FAM135A: variants seen among roughly 807,000 people sequenced by gnomAD.
FAM135A encodes family with sequence similarity 135 member A.
In FAM135A, 79 loss-of-function variants were observed where a neutral mutation model predicts 146.8. The observed-to-expected ratio is 0.54, with a 90% CI of 0.45 to 0.65. The LOEUF (loss-of-function observed/expected upper bound fraction) is 0.65. Among genes scored for constraint, FAM135A ranks in the 30% least tolerant of loss-of-function variants. FAM135A has a pLI of 0.00. For missense variants in FAM135A, 1,623 were observed against 1,758.2 expected (o/e 0.92, Z 1.38); for synonymous variants, 562 against 603.6 (o/e 0.93, Z 1.01).
At chr6:70,492,950 C>T (rs907095218) in intron 11 of FAM135A, among the ~76,000 whole-genome samples, 5 of 151,886 alleles carry the variant, frequency 3.3e-5, no homozygotes, top group Non-Finnish European at 7.4e-5. Flanking sequence ...TTATATATTG[C>T]ACAATTATCA....
intron 4 of FAM135A, among the ~76,000 whole-genome samples, chr6:70,437,913 G>A (rs1270824216): frequency 6.6e-6 from 1 of 152,082 alleles, no homozygotes; most frequent in Non-Finnish European, 1.5e-5. Flanking sequence ...CGGAGGAATT[G>A]TGAAATTTCT....
chr6:70,413,645 G>C lies in FAM135A; in HGVS notation c.-277G>C. 1 of 260,476 alleles carries C rather than the reference G, an allele frequency of 3.8e-6. No homozygotes were observed. Among genetic ancestry groups the C allele is most frequent in the Non-Finnish European group, 6.0e-6 (1 of 166,542 alleles). The allele number at this position is 260,476 out of a possible 1,614,324, so 16.1% of individuals were successfully genotyped here. A position where few individuals can be genotyped will look rare whatever the true frequency, so the allele number is the denominator to read the frequency against. On this transcript the variant is annotated 5_prime_UTR_variant, in exon 1 of 22. Coordinates refer to ENST00000418814, the MANE Select transcript of FAM135A (RefSeq NM_001162529.3). ...ACCCGGGTCGGGCCGTCTTCTTGCA[G>C]CTGGACAACGAGCTCCTCCGTTCGA...
intron 5 of FAM135A, among the ~76,000 whole-genome samples, chr6:70,464,496 T>C (rs541237719): frequency 2.6e-5 from 4 of 152,192 alleles, no homozygotes; most frequent in Middle Eastern, 3.2e-3. Context: ...TAGCAAATAT[T>C]AGAAAACAAA....
At chr6:70,414,011 C>T (rs775058946) in intron 1 of FAM135A, 14 of 985,692 alleles carry the variant, frequency 1.4e-5, no homozygotes, top group Non-Finnish European at 1.7e-5. Context: ...TCGCGCCTAG[C>T]GTGTTTGCCC....
intron 4 of FAM135A, among the ~76,000 whole-genome samples, chr6:70,438,054 GAAAC>G (rs1021481884): frequency 1.3e-5 from 2 of 151,962 alleles, no homozygotes. Flanking sequence ...TGGAAAAAAA[GAAAC>G]AAACCAGCCA....
Position 70,526,705 on chromosome 6 carries a change from A to G in FAM135A, c.3614+7A>G. 6.3e-7 allele frequency: 1 copy of G among 1,580,658 alleles called. No homozygotes were observed. The highest frequency in any genetic ancestry group is 8.6e-7 in the Non-Finnish European group (1 of 1,166,330). On this transcript the variant is annotated splice_region_variant and intron_variant, in intron 15 of 21. Coordinates refer to ENST00000418814, the MANE Select transcript of FAM135A (RefSeq NM_001162529.3). ...CAAAACCTCAAATACAAGCGTAAGTAATGGAACGTAATAGTACCTGCTGCT... is the reference window on the plus strand; with the variant it reads ...CAAAACCTCAAATACAAGCGTAAGTGATGGAACGTAATAGTACCTGCTGCT...
chr6:70,560,452 C>T lies in FAM135A; in HGVS notation c.*531C>T, dbSNP rs1426178678. ...ATACAACTTTATCATACAATCAAACCAGGTAGTTCATATAAAACAGTGTAA... is the reference window on the plus strand; with the variant it reads ...ATACAACTTTATCATACAATCAAACTAGGTAGTTCATATAAAACAGTGTAA... On this transcript the variant is annotated 3_prime_UTR_variant, in exon 22 of 22. Coordinates refer to ENST00000418814, the MANE Select transcript of FAM135A (RefSeq NM_001162529.3). The T allele has an allele frequency of 1.3e-5, 2 of 152,794 alleles. No homozygotes were observed. The highest frequency in any genetic ancestry group is 2.9e-5 in the Non-Finnish European group (2 of 68,244). 9.5% of individuals were successfully genotyped at this position (152,794 alleles called of 1,614,324 possible).
chr6:70,447,450 C>A (rs1459024116), intron 4 of FAM135A, among the ~76,000 whole-genome samples: 2 of 152,188 alleles, frequency 1.3e-5, no homozygotes, highest in African/African-American at 4.8e-5. Context: ...ACAAGACCTG[C>A]CTAGAAGTAA....
chr6:70,487,077 C>CCAT (rs1197070178), intron 10 of FAM135A, among the ~76,000 whole-genome samples: 1 of 110,692 alleles, frequency 9.0e-6, no homozygotes, highest in African/African-American at 3.9e-5. Context: ...AGTCGGACTC[C>CCAT]CATCTCAAAA....
intron 5 of FAM135A, among the ~76,000 whole-genome samples, chr6:70,464,661 T>TC (rs1780052876): frequency 9.3e-6 from 1 of 107,676 alleles, no homozygotes; most frequent in African/African-American, 3.4e-5. Flanking sequence ...TTTCTTTCTT[T>TC]TTTTTCTTTT....
At chr6:70,434,361 G>A (rs754066153) in intron 4 of FAM135A, among the ~76,000 whole-genome samples, 19 of 152,288 alleles carry the variant, frequency 1.2e-4, no homozygotes, top group Non-Finnish European at 2.1e-4. Context: ...TTGCAAAATT[G>A]TTGAAGTATC....
intron 20 of FAM135A, among the ~76,000 whole-genome samples, chr6:70,543,281 A>T (rs1798260441): frequency 6.6e-6 from 1 of 152,296 alleles, no homozygotes; most frequent in Non-Finnish European, 1.5e-5. Flanking sequence ...TCTTATCCTC[A>T]TTCCTATCAC....
chr6:70,463,588 C>T (rs529774176), intron 5 of FAM135A, among the ~76,000 whole-genome samples: 2 of 152,042 alleles, frequency 1.3e-5, no homozygotes, highest in African/African-American at 4.8e-5. Context: ...CCTCTTTTAG[C>T]TTATGTTGTT....
At position 70,525,645 on chromosome 6, in the gene FAM135A, A is replaced by G. The variant is rs764051907; in HGVS notation, c.2561A>G (p.Asn854Ser). The change falls in exon 15 of 22, where the codon AAT becomes AGT. Residue 854 changes from asparagine to serine, a missense_variant. Transcript: ENST00000418814. ...PSDDELSPDENSKKSVVPECH... is the reference protein window; with the variant it reads ...PSDDELSPDESSKKSVVPECH... Reference sequence around the variant, plus strand: ...GATGATGAACTGTCACCTGATGAAAATTCTAAGAAATCTGTTGTACCTGAA... The same window carrying G: ...GATGATGAACTGTCACCTGATGAAAGTTCTAAGAAATCTGTTGTACCTGAA... 6.2e-7 allele frequency: 1 copy of G among 1,612,838 alleles called. No individual in the cohort carries two copies. Among genetic ancestry groups the G allele is most frequent in the Non-Finnish European group, 8.5e-7 (1 of 1,179,518 alleles).
intron 8 of FAM135A, 45 bp downstream of exon 8, chr6:70,477,377 A>C: frequency 6.3e-7 from 1 of 1,575,042 alleles, no homozygotes; most frequent in South Asian, 1.1e-5. Context: ...CTTACACTGC[A>C]ATAAAGAAAT....
intron 8 of FAM135A, among the ~76,000 whole-genome samples, chr6:70,480,100 G>A (rs941480779): frequency 6.6e-6 from 1 of 152,022 alleles, no homozygotes; most frequent in Admixed American, 6.6e-5. Flanking sequence ...AAATGCTTTG[G>A]CCTACTTTAT....
intron 12 of FAM135A, among the ~76,000 whole-genome samples, chr6:70,505,489 T>C (rs899726108): frequency 6.6e-5 from 10 of 152,100 alleles, no homozygotes; most frequent in African/African-American, 2.4e-4. Context: ...TGTATTATAT[T>C]TCCCGGTGAT....
At chr6:70,552,498 T>G (rs1049935842) in intron 20 of FAM135A, among the ~76,000 whole-genome samples, 1 of 146,594 alleles carries the variant, frequency 6.8e-6, no homozygotes, top group Non-Finnish European at 1.5e-5. Flanking sequence ...AGACGGAGGC[T>G]TGCTCTGTTG....
chr6:70,437,381 A>G (rs531824743), intron 4 of FAM135A, among the ~76,000 whole-genome samples: 1 of 152,220 alleles, frequency 6.6e-6, no homozygotes, highest in South Asian at 2.1e-4. Context: ...AAATTAAAGA[A>G]TGGATTTTAA....
Sources: allele counts gnomAD v4.1 joint callset (sites outside exome capture counted in the v4.1 genomes callset), GRCh38; gene constraint gnomAD v4.1.1; transcripts MANE v1.5; gene names NCBI Gene and HGNC (gene_info 2026-07-23, HGNC 2026-07-21).